MYO1E: variants seen among roughly 807,000 people sequenced by gnomAD.
The protein encoded by MYO1E is myosin IE.
In MYO1E, 68 loss-of-function variants were observed where a neutral mutation model predicts 151.1. The observed-to-expected ratio is 0.45, with a 90% confidence interval of 0.37 to 0.55. The LOEUF is 0.55. Among genes scored for constraint, MYO1E ranks in the 20% least tolerant of loss-of-function variants. The pLI is 0.00. For synonymous variants in MYO1E, 601 were observed against 501.7 expected, an observed-to-expected ratio of 1.20 and a Z score of -2.64; for missense variants, 1,363 against 1,389.3, an observed-to-expected ratio of 0.98 and a Z score of 0.30.
At chr15:59,296,366 A>G (rs141013101) in intron 1 of MYO1E, among the ~76,000 whole-genome samples, 1 of 152,152 alleles carries the variant, frequency 6.6e-6, no homozygotes. Context: ...TCACTCACCA[A>G]ATTGTGTGCA....
intron 17 of MYO1E, among the ~76,000 whole-genome samples, chr15:59,192,026 A>G (rs1426469687): frequency 6.6e-6 from 1 of 152,212 alleles, no homozygotes; most frequent in East Asian, 1.9e-4. Flanking sequence ...TGGAATGAGT[A>G]ACCCTCTTTA....
chr15:59,236,945 T>C (rs1169133986), intron 4 of MYO1E, among the ~76,000 whole-genome samples: 3 of 152,116 alleles, frequency 2.0e-5, no homozygotes, highest in Non-Finnish European at 4.4e-5. Flanking sequence ...TGCCCAATAA[T>C]GGGGGATATG....
chr15:59,283,447 C>T (rs1475362771), intron 1 of MYO1E, among the ~76,000 whole-genome samples: 1 of 152,144 alleles, frequency 6.6e-6, no homozygotes, highest in East Asian at 1.9e-4. Context: ...GCTAAGAAGC[C>T]TGCTCTAACA....
intron 26 of MYO1E, among the ~76,000 whole-genome samples, chr15:59,144,724 C>A (rs1219666516): frequency 2.0e-5 from 3 of 152,196 alleles, no homozygotes; most frequent in African/African-American, 7.2e-5. Context: ...CTGGAAGCCA[C>A]CTTGGAACAC....
intron 16 of MYO1E, among the ~76,000 whole-genome samples, chr15:59,197,555 G>T (rs181972224): frequency 2.0e-5 from 3 of 152,148 alleles, no homozygotes; most frequent in Admixed American, 2.0e-4. Context: ...TATTATTCCT[G>T]TTTTTTAGAT....
chr15:59,256,262 C>A (rs1316376900), intron 4 of MYO1E, 22 bp downstream of exon 4: 1 of 1,548,626 alleles, frequency 6.5e-7, no homozygotes, highest in Non-Finnish European at 8.9e-7. Context: ...TCCACGCCCA[C>A]TGATAAGGAT....
chr15:59,140,697 A>G (rs1267595173), intron 26 of MYO1E, among the ~76,000 whole-genome samples: 1 of 152,220 alleles, frequency 6.6e-6, no homozygotes, highest in Non-Finnish European at 1.5e-5. Flanking sequence ...CTGTGATGAC[A>G]GATGTTCATG....
intron 14 of MYO1E, among the ~76,000 whole-genome samples, chr15:59,205,722 G>A (rs1166222198): frequency 2.0e-5 from 3 of 152,164 alleles, no homozygotes; most frequent in African/African-American, 7.2e-5. Context: ...GCCTGCAGAT[G>A]CTGATGAGTA....
intron 16 of MYO1E, 92 bp downstream of exon 16, chr15:59,202,234 C>T (rs2079806515): frequency 6.3e-6 from 7 of 1,103,428 alleles, no homozygotes; most frequent in Middle Eastern, 4.1e-4. Context: ...TCACGTCTCA[C>T]TGACCTCATC....
At chr15:59,223,317 A>G (rs1426745633) in intron 8 of MYO1E, 126 bp from the exon 9 acceptor site, 40 of 257,986 alleles carry the variant, frequency 1.6e-4, no homozygotes, top group Admixed American at 3.3e-4. Flanking sequence ...GTTACAAAGA[A>G]AAAAAAAAAA....
chr15:59,336,066 T>C (rs2080726536), intron 1 of MYO1E, among the ~76,000 whole-genome samples: 1 of 151,950 alleles, frequency 6.6e-6, no homozygotes, highest in South Asian at 2.1e-4. Context: ...CTTGAAACTT[T>C]TTCTGGAATT....
chr15:59,368,073 C>A (rs1217294751), intron 1 of MYO1E, among the ~76,000 whole-genome samples: 7 of 152,044 alleles, frequency 4.6e-5, no homozygotes, highest in Admixed American at 4.6e-4. Context: ...GAACCGAGAT[C>A]GCGCCAGTGC....
At chr15:59,207,845 G>A in intron 14 of MYO1E, 1 of 1,614,186 alleles carries the variant, frequency 6.2e-7, no homozygotes, top group Non-Finnish European at 8.5e-7. Flanking sequence ...TGGGCCATTG[G>A]CCTATCTGTG....
In MYO1E at chr15:59,206,459, C is replaced by T. The variant is rs182474686; in HGVS notation, c.1531-974G>A. On this transcript the variant is annotated intron_variant, in intron 14 of 27. Transcript: ENST00000288235. ...CAAAATAGGCCTCCAGCGCCATAGA[C>T]CAGAAAGCAGGCGCCCAATTCTGGG... Among the ~76,000 whole-genome samples the T allele has an allele frequency of 2.4e-3, 370 of 152,302 alleles. 2 individuals carry two copies. The highest frequency in any genetic ancestry group is 1.8e-3 in the Non-Finnish European group (123 of 68,032).
intron 18 of MYO1E, among the ~76,000 whole-genome samples, chr15:59,179,867 G>A (rs1369264669): frequency 6.6e-6 from 1 of 152,256 alleles, no homozygotes; most frequent in East Asian, 1.9e-4. Context: ...ATCATCATGG[G>A]TATGTGTGGG....
At chr15:59,224,666 C>T in intron 8 of MYO1E, 23 bp downstream of exon 8, 1 of 1,614,084 alleles carries the variant, frequency 6.2e-7, no homozygotes. Context: ...GCAGATCCTG[C>T]CTGGCCCTGC....
intron 3 of MYO1E, among the ~76,000 whole-genome samples, chr15:59,260,120 T>C (rs939688695): frequency 2.6e-5 from 4 of 152,198 alleles, no homozygotes; most frequent in Non-Finnish European, 4.4e-5. Context: ...CTTCAAAAGA[T>C]AAATGGTCTA....
chr15:59,270,105 A>C (rs1354537804), intron 2 of MYO1E, among the ~76,000 whole-genome samples: 1 of 152,180 alleles, frequency 6.6e-6, no homozygotes. Context: ...CACCACCCTG[A>C]TCCAGAAGTT....
intron 18 of MYO1E, among the ~76,000 whole-genome samples, chr15:59,180,081 T>C (rs1047704137): frequency 2.0e-5 from 3 of 152,268 alleles, no homozygotes; most frequent in Non-Finnish European, 2.9e-5. Flanking sequence ...GAGCCTTCTC[T>C]GCTCCTCTCA....
Sources: gnomAD v4.1 joint callset for allele counts (sites outside exome capture counted in the v4.1 genomes callset) on GRCh38, gnomAD v4.1.1 for gene constraint, MANE v1.5 for transcripts, NCBI Gene and HGNC (gene_info 2026-07-23, HGNC 2026-07-21) for gene names.